Variants in DLGAP2 observed in about 807,000 individuals in gnomAD.
DLGAP2 encodes the protein DLG associated protein 2, also known as disks large-associated protein 2.
Under a neutral mutation model 100.3 loss-of-function variants are expected in DLGAP2, and 26 were observed. That is an observed-to-expected ratio of 0.26 (90% CI 0.19 to 0.36). DLGAP2 has a LOEUF of 0.36. DLGAP2 is among the 10% of genes least tolerant of loss of function. The pLI is 1.00. For missense variants in DLGAP2, 1,858 were observed against 1,453.2 expected, an observed-to-expected ratio of 1.28 and a Z score of -4.53; for synonymous variants, 886 against 630.1, an observed-to-expected ratio of 1.41 and a Z score of -6.08.
At chr8:1,443,041 C>T (rs1424816888) in intron 3 of DLGAP2, among the ~76,000 whole-genome samples, 2 of 152,176 alleles carry the variant, frequency 1.3e-5, no homozygotes, top group Non-Finnish European at 2.9e-5. Flanking sequence ...ACATTTAGTG[C>T]ATTTCTCTTT....
At chr8:1,050,557 A>G (rs540636703) in intron 2 of DLGAP2, among the ~76,000 whole-genome samples, 5 of 152,194 alleles carry the variant, frequency 3.3e-5, no homozygotes, top group Non-Finnish European at 1.5e-5. Context: ...AAGTAACCCC[A>G]TTATAAGCCA....
intron 1 of DLGAP2, among the ~76,000 whole-genome samples, chr8:757,145 T>C (rs1310303934): frequency 6.6e-6 from 1 of 152,162 alleles, no homozygotes. Context: ...TTGCTCTCTG[T>C]CCCCTTCCCT....
chr8:1,414,648 C>G (rs79888451), intron 3 of DLGAP2, among the ~76,000 whole-genome samples: 1 of 151,998 alleles, frequency 6.6e-6, no homozygotes, highest in African/African-American at 2.4e-5. Flanking sequence ...CCGCCATCTA[C>G]GCACGTCCAG....
intron 2 of DLGAP2, among the ~76,000 whole-genome samples, chr8:1,100,880 A>G (rs1267787800): frequency 1.3e-5 from 2 of 152,220 alleles, no homozygotes; most frequent in Non-Finnish European, 2.9e-5. Flanking sequence ...TCTTAAAGCC[A>G]CTCATTTTAA....
In DLGAP2 at chr8:1,327,596, G is replaced by C. The variant is rs151176463; in HGVS notation, c.106+68713G>C. ...ATGGTGGCTCATGCCTGTAATCCCA[G>C]CACTTTGGGAGGCCAAGGCAGGTGG... is the stretch of plus-strand genomic sequence containing the variant. On this transcript the variant is annotated intron_variant, in intron 3 of 14. Transcript: ENST00000637795. Among the ~76,000 whole-genome samples, 222 of 152,272 alleles carry C rather than the reference G, an allele frequency of 1.5e-3. 1 individual carries two copies. Among genetic ancestry groups the C allele is most frequent in the African/African-American group, 4.8e-3 (201 of 41,558 alleles).
At chr8:1,485,433 T>C (rs1291739491) in intron 3 of DLGAP2, among the ~76,000 whole-genome samples, 1 of 152,264 alleles carries the variant, frequency 6.6e-6, no homozygotes, top group Non-Finnish European at 1.5e-5. Context: ...ACAAGTGCCA[T>C]GAGGCTTCAC....
At chr8:1,177,447 C>T (rs1046392636) in intron 2 of DLGAP2, among the ~76,000 whole-genome samples, 2 of 152,060 alleles carry the variant, frequency 1.3e-5, no homozygotes, top group Non-Finnish European at 2.9e-5. Context: ...CATCTTTGGG[C>T]ACACCGGAGC....
At chr8:1,144,462 C>T (rs1563214564) in intron 2 of DLGAP2, among the ~76,000 whole-genome samples, 1 of 152,188 alleles carries the variant, frequency 6.6e-6, no homozygotes, top group Non-Finnish European at 1.5e-5. Flanking sequence ...TTTGAGGCTT[C>T]CGAATGCTCC....
At chr8:844,750 C>T (rs1425142509) in intron 1 of DLGAP2, among the ~76,000 whole-genome samples, 4 of 152,186 alleles carry the variant, frequency 2.6e-5, no homozygotes, top group African/African-American at 9.7e-5. Context: ...ATATACTGTG[C>T]AGTTGACCTG....
chr8:947,830 G>A (rs1248664631), intron 2 of DLGAP2, among the ~76,000 whole-genome samples: 1 of 148,716 alleles, frequency 6.7e-6, no homozygotes, highest in Admixed American at 6.7e-5. Context: ...GTGTGCCATG[G>A]CTCCCGACCC....
chr8:1,445,142 G>C (rs933270460), intron 3 of DLGAP2, among the ~76,000 whole-genome samples: 11 of 149,082 alleles, frequency 7.4e-5, no homozygotes, highest in African/African-American at 2.2e-4. Context: ...CAATGTGCAG[G>C]TTTGTTATAC....
chr8:1,302,252 ATTTTCT>A (rs1212765984), intron 3 of DLGAP2: 5 of 133,768 alleles, frequency 3.7e-5, no homozygotes, highest in African/African-American at 1.3e-4. Flanking sequence ...CGGACTCAGC[ATTTTCT>A]GTGAGTTCCC....
intron 2 of DLGAP2, among the ~76,000 whole-genome samples, chr8:1,099,239 C>T (rs1430616943): frequency 2.0e-5 from 3 of 152,192 alleles, no homozygotes; most frequent in Non-Finnish European, 4.4e-5. Context: ...TGAATTCCCG[C>T]AGAGGGCTTC....
chr8:1,439,179 A>C (rs1476299798), intron 3 of DLGAP2, among the ~76,000 whole-genome samples: 1 of 152,152 alleles, frequency 6.6e-6, no homozygotes, highest in Non-Finnish European at 1.5e-5. Context: ...AGAATGAATG[A>C]AAAGCATAGT....
chr8:1,452,287 G>T (rs147184131), intron 3 of DLGAP2, among the ~76,000 whole-genome samples: 1 of 152,220 alleles, frequency 6.6e-6, no homozygotes, highest in African/African-American at 2.4e-5. Context: ...GTGGCTGGGC[G>T]CTCTGTTGCA....
At chr8:1,184,719 C>T (rs192418928) in intron 2 of DLGAP2, among the ~76,000 whole-genome samples, 34 of 152,280 alleles carry the variant, frequency 2.2e-4, no homozygotes, top group Middle Eastern at 6.8e-3. Flanking sequence ...CTCAGGGCAG[C>T]TGTAGCCTGG....
intron 2 of DLGAP2, among the ~76,000 whole-genome samples, chr8:1,169,419 A>G (rs1297615810): frequency 1.3e-5 from 2 of 152,204 alleles, no homozygotes; most frequent in Non-Finnish European, 2.9e-5. Context: ...TTCTGTGAAG[A>G]AAGTCATTGG....
At chr8:1,653,580 C>T (rs1004931338) in intron 8 of DLGAP2, among the ~76,000 whole-genome samples, 4 of 152,344 alleles carry the variant, frequency 2.6e-5, no homozygotes, top group South Asian at 4.1e-4. Context: ...AACGGCAGCC[C>T]TCTGATGGGT....
At chr8:1,475,949 T>C (rs1798919416) in intron 3 of DLGAP2, among the ~76,000 whole-genome samples, 1 of 152,146 alleles carries the variant, frequency 6.6e-6, no homozygotes, top group Admixed American at 6.5e-5. Context: ...TAAAGAAAAA[T>C]GGTTTTTGTA....
Sources: gnomAD v4.1 joint callset for allele counts (sites outside exome capture counted in the v4.1 genomes callset) on GRCh38, gnomAD v4.1.1 for gene constraint, MANE v1.5 for transcripts, NCBI Gene and HGNC (gene_info 2026-07-23, HGNC 2026-07-21) for gene names.